The following MMP24 variants were observed in gnomAD, a reference collection of about 807,000 sequenced individuals.
The protein encoded by MMP24 is matrix metallopeptidase 24, also known as matrix metalloproteinase-24.
MMP24 carries 25 observed loss-of-function variants against 62.8 expected under a neutral mutation model. That is an observed-to-expected ratio of 0.40 (90% CI 0.29 to 0.56). The LOEUF is 0.56. MMP24 is among the 20% of genes least tolerant of loss of function. MMP24 has a pLI of 0.50. For missense variants in MMP24, 634 were observed against 853.6 expected (o/e 0.74, Z 3.21); for synonymous variants, 319 against 350.5 (o/e 0.91, Z 1.00).
At chr20:35,242,721 A>G (rs1220302560) in intron 1 of MMP24, among the ~76,000 whole-genome samples, 2 of 152,222 alleles carry the variant, frequency 1.3e-5, no homozygotes, top group African/African-American at 4.8e-5. Flanking sequence ...ACCAGGCCCT[A>G]TGCAGTGTCC....
rs1395248068 is a variant in MMP24 at position 35,263,969 on chromosome 20, G to A, written c.979+17G>A. ...AGATCTATGGTGTGTGGCAGGGAGA[G>A]GGGGGACTGCTCCTTCCTCGGGGCT... On this transcript the variant is annotated intron_variant, in intron 5 of 8. Coordinates refer to ENST00000246186, the MANE Select transcript of MMP24 (RefSeq NM_006690.4). 2 of 1,584,852 alleles carry A rather than the reference G, an allele frequency of 1.3e-6. No individual in the cohort carries two copies. The highest frequency in any genetic ancestry group is 1.8e-5 in the Admixed American group (1 of 56,824).
intron 1 of MMP24, among the ~76,000 whole-genome samples, chr20:35,229,071 T>C (rs1272398457): frequency 6.6e-6 from 1 of 152,234 alleles, no homozygotes; most frequent in Non-Finnish European, 1.5e-5. Context: ...ACTGATAGCC[T>C]GGAACACAAC....
At chr20:35,256,746 C>T (rs1250187097) in intron 4 of MMP24, among the ~76,000 whole-genome samples, 4 of 146,464 alleles carry the variant, frequency 2.7e-5, no homozygotes, top group African/African-American at 7.5e-5. Flanking sequence ...AAAAAGACTG[C>T]AGATTCCAGG....
At chr20:35,234,498 A>G (rs1212899034) in intron 1 of MMP24, among the ~76,000 whole-genome samples, 1 of 152,224 alleles carries the variant, frequency 6.6e-6, no homozygotes, top group Non-Finnish European at 1.5e-5. Context: ...TTGGGAGCAC[A>G]TAGAAAGTCC....
intron 6 of MMP24, 137 bp downstream of exon 6, chr20:35,267,556 G>C (rs2060642789): frequency 1.1e-6 from 1 of 885,986 alleles, no homozygotes; most frequent in Admixed American, 2.7e-5. Flanking sequence ...CCAGTGGCCA[G>C]GGCATGGGGT....
intron 6 of MMP24, among the ~76,000 whole-genome samples, chr20:35,268,566 C>T (rs972852297): frequency 6.6e-6 from 1 of 152,212 alleles, no homozygotes; most frequent in Admixed American, 6.5e-5. Context: ...AAAATAAGGT[C>T]AAAAACCTGG....
At chr20:35,261,950 G>A (rs1032689276) in intron 4 of MMP24, among the ~76,000 whole-genome samples, 4 of 151,986 alleles carry the variant, frequency 2.6e-5, no homozygotes, top group Non-Finnish European at 5.9e-5. Flanking sequence ...ATAGGCGCAG[G>A]CCACCATATC....
chr20:35,272,543 CTT>C (rs2060676741), intron 8 of MMP24, among the ~76,000 whole-genome samples: 1 of 152,154 alleles, frequency 6.6e-6, no homozygotes, highest in Non-Finnish European at 1.5e-5. Flanking sequence ...AAGAGAGAAA[CTT>C]TTTATGTTTC....
rs956881690 is a variant in MMP24, at chr20:35,275,971, T to C, written c.*1362T>C. 3 of 398,564 alleles carry C rather than the reference T, an allele frequency of 7.5e-6. No homozygotes were observed. Among genetic ancestry groups the C allele is most frequent in the Non-Finnish European group, 1.3e-5 (3 of 226,116 alleles). The allele number at this position is 398,564 out of a possible 1,614,324, so 24.7% of individuals were successfully genotyped here. On this transcript the variant is annotated 3_prime_UTR_variant, in exon 9 of 9. Coordinates refer to ENST00000246186, the MANE Select transcript of MMP24 (RefSeq NM_006690.4). ...CACAGTACGGCGGAGGCAGCCCTGC[T>C]TGTCACTGAGGAGCCCTAGACAAGG...
chr20:35,247,989 C>T (rs2060524337), intron 2 of MMP24, among the ~76,000 whole-genome samples: 1 of 152,104 alleles, frequency 6.6e-6, no homozygotes, highest in Non-Finnish European at 1.5e-5. Context: ...GTTGAACAGC[C>T]TTAAACTTGC....
At chr20:35,264,100 A>C in intron 5 of MMP24, 148 bp downstream of exon 5, 3 of 917,298 alleles carry the variant, frequency 3.3e-6, no homozygotes, top group Non-Finnish European at 4.6e-6. Context: ...CAGACTTCCA[A>C]TGGCTTTGCC....
At position 35,251,887 on chromosome 20, in the gene MMP24, TG is replaced by T; in HGVS notation, c.396-17del. ...ACCACAGTGCATATGCGTGTGTGTG[TG>T]TCCTCTCTCTGCCCAGGTGGATGAA... On this transcript the variant is annotated splice_polypyrimidine_tract_variant and intron_variant, in intron 2 of 8. Coordinates refer to ENST00000246186, the MANE Select transcript of MMP24 (RefSeq NM_006690.4). 6.3e-7 allele frequency: 1 copy of T among 1,587,936 alleles called. No individual in the cohort carries two copies. Among genetic ancestry groups the T allele is most frequent in the Non-Finnish European group, 8.6e-7 (1 of 1,156,092 alleles).
At chr20:35,243,035 AGGC>A (rs1401955700) in intron 1 of MMP24, among the ~76,000 whole-genome samples, 1 of 152,152 alleles carries the variant, frequency 6.6e-6, no homozygotes, top group East Asian at 1.9e-4. Context: ...AAAATTAGCC[AGGC>A]AGTAGTGGCA....
At chr20:35,264,489 T>G (rs1030099597) in intron 5 of MMP24, among the ~76,000 whole-genome samples, 2 of 151,758 alleles carry the variant, frequency 1.3e-5, no homozygotes, top group African/African-American at 4.8e-5. Flanking sequence ...GTCAGGAGTT[T>G]GAGACCAGTC....
At chr20:35,254,408 G>C in intron 3 of MMP24, 42 bp from the exon 4 acceptor site, 1 of 1,545,778 alleles carries the variant, frequency 6.5e-7, no homozygotes, top group African/African-American at 1.4e-5. Flanking sequence ...GCTAGTCTCT[G>C]ACTCTCTGAT....
intron 4 of MMP24, among the ~76,000 whole-genome samples, chr20:35,261,013 C>T (rs6119594): frequency 1.3e-5 from 2 of 152,174 alleles, no homozygotes; most frequent in Non-Finnish European, 2.9e-5. Context: ...CGAGCCATGC[C>T]TTAGGGCCAG....
chr20:35,239,299 A>T (rs1036208930), intron 1 of MMP24, among the ~76,000 whole-genome samples: 6 of 149,642 alleles, frequency 4.0e-5, no homozygotes. Flanking sequence ...GGCCTCTCAA[A>T]GTGCTGAGAT....
chr20:35,264,408 A>AG (rs1441621492), intron 5 of MMP24, among the ~76,000 whole-genome samples: 2 of 152,126 alleles, frequency 1.3e-5, no homozygotes, highest in Non-Finnish European at 2.9e-5. Context: ...AGAAAAAACG[A>AG]GGGCCAGGCG....
chr20:35,272,140 C>T (rs79500318), intron 8 of MMP24: 154 of 454,098 alleles, frequency 3.4e-4, no homozygotes, highest in Non-Finnish European at 5.1e-4. Context: ...CCTTGAGTTA[C>T]CCAATCTGAA....
Sources: allele counts gnomAD v4.1 joint callset (sites outside exome capture counted in the v4.1 genomes callset), GRCh38; gene constraint gnomAD v4.1.1; transcripts MANE v1.5; gene names NCBI Gene and HGNC (gene_info 2026-07-23, HGNC 2026-07-21).